The following SAXO1 variants were observed in gnomAD, a reference collection of about 807,000 sequenced individuals.
SAXO1 encodes the protein stabilizer of axonemal microtubules 1, also known as 4930500O09Rik.
SAXO1 carries 21 observed loss-of-function variants against 17.5 expected under a neutral mutation model. That is an observed-to-expected ratio of 1.20 (90% CI 0.85 to 1.72). The LOEUF (loss-of-function observed/expected upper bound fraction) is 1.72. SAXO1 is among the 40% of genes most tolerant of loss of function. The pLI, the probability that SAXO1 is intolerant of heterozygous loss-of-function variation, is 0.00. For synonymous variants in SAXO1, 274 were observed against 216.5 expected, an observed-to-expected ratio of 1.27 and a Z score of -2.33; for missense variants, 843 against 596.0, an observed-to-expected ratio of 1.41 and a Z score of -4.32.
At chr9:18,977,658 T>C (rs1411457979) in intron 1 of SAXO1, among the ~76,000 whole-genome samples, 1 of 152,164 alleles carries the variant, frequency 6.6e-6, no homozygotes, top group Non-Finnish European at 1.5e-5. Flanking sequence ...CCACTTGGAA[T>C]TGTATGAAAA....
intron 1 of SAXO1, among the ~76,000 whole-genome samples, chr9:19,044,994 G>C (rs1178230505): frequency 6.6e-6 from 1 of 151,920 alleles, no homozygotes; most frequent in East Asian, 1.9e-4. Context: ...AAAAAGGAGG[G>C]ATTGTTTGAA....
At chr9:19,004,620 A>G (rs1834415575) in intron 1 of SAXO1, among the ~76,000 whole-genome samples, 1 of 152,214 alleles carries the variant, frequency 6.6e-6, no homozygotes, top group African/African-American at 2.4e-5. Flanking sequence ...ACAAGGACGG[A>G]AAACCAAACA....
At chr9:19,046,111 A>G (rs569648847) in intron 1 of SAXO1, among the ~76,000 whole-genome samples, 11 of 151,306 alleles carry the variant, frequency 7.3e-5, no homozygotes, top group African/African-American at 2.4e-4. Context: ...AAAGGAGAAC[A>G]TAAGGAGAAC....
chr9:18,942,624 C>T (rs1473093223), intron 2 of SAXO1, among the ~76,000 whole-genome samples: 1 of 152,206 alleles, frequency 6.6e-6, no homozygotes, highest in Non-Finnish European at 1.5e-5. Flanking sequence ...GTCTGCGCCC[C>T]CATTGTTTCA....
chr9:19,027,005 C>T, intron 1 of SAXO1: 1 of 871,458 alleles, frequency 1.1e-6, no homozygotes, highest in Non-Finnish European at 2.0e-6. Context: ...AGATCAAGAT[C>T]ATGAAGAGTT....
chr9:19,007,075 G>C (rs995689776), intron 1 of SAXO1, among the ~76,000 whole-genome samples: 1 of 151,308 alleles, frequency 6.6e-6, no homozygotes, highest in Non-Finnish European at 1.5e-5. Flanking sequence ...TAGACCAGGT[G>C]CTGTGGCTCA....
chr9:19,015,193 C>A (rs1296876976), intron 1 of SAXO1, among the ~76,000 whole-genome samples: 1 of 152,018 alleles, frequency 6.6e-6, no homozygotes, highest in African/African-American at 2.4e-5. Flanking sequence ...AAATTGTATC[C>A]CTTCCTATGT....
At chr9:18,943,148 T>C (rs987432825) in intron 2 of SAXO1, among the ~76,000 whole-genome samples, 2 of 152,186 alleles carry the variant, frequency 1.3e-5, no homozygotes, top group South Asian at 2.1e-4. Flanking sequence ...TGAAAATGCT[T>C]AGTGGGATGG....
rs1020244562 is a variant in SAXO1 at position 19,028,375 on chromosome 9, CA to C, written c.38+4495del. Among the ~76,000 whole-genome samples, 3 of 151,528 alleles carry C rather than the reference CA, an allele frequency of 2.0e-5. No homozygotes were observed. The South Asian group carries it at 6.2e-4, about 32-fold the overall frequency. ...TGGGCAACAGAGCGAGACTCCGTCT[CA>C]AAAAAAATAAAAAATAAAACTCTTC... On this transcript the variant is annotated intron_variant, in intron 1 of 3. Transcript: ENST00000380534.
intron 1 of SAXO1, among the ~76,000 whole-genome samples, chr9:18,968,205 G>C (rs1164526116): frequency 6.6e-6 from 1 of 152,200 alleles, no homozygotes; most frequent in Non-Finnish European, 1.5e-5. Flanking sequence ...CATCTTGCCA[G>C]TCTTCCCTTT....
chr9:19,039,554 A>G (rs2131068325), intron 1 of SAXO1, among the ~76,000 whole-genome samples: 1 of 152,342 alleles, frequency 6.6e-6, no homozygotes, highest in Non-Finnish European at 1.5e-5. Flanking sequence ...ATGCTTAGAG[A>G]ACTGATTTCT....
At position 18,958,263 on chromosome 9, in the gene SAXO1, A is replaced by G. The variant is rs553408978; in HGVS notation, c.39-7326T>C. ...ACATGGTGAAACCTTGTCTCTACTA[A>G]AAATACAAAAATTAGCCAGGTGTGA... On this transcript the variant is annotated intron_variant, in intron 1 of 3. Transcript: ENST00000380534. Among the ~76,000 whole-genome samples the G allele has an allele frequency of 3.4e-4, 51 of 152,194 alleles. No individual in the cohort carries two copies. The South Asian group carries it at 0.01, about 30-fold the overall frequency.
rs745865771 is a variant in SAXO1, at chr9:18,950,979, A to G, written c.39-42T>C. On this transcript the variant is annotated intron_variant, in intron 1 of 3. Transcript: ENST00000380534. The stretch of plus-strand genomic sequence containing the variant: ...GTTAGGTTGATTACCTTCTTGGGAG[A>G]AAAAAACCCAATTTCCTAAGAGTAC... 14 of 1,568,960 alleles carry G rather than the reference A, an allele frequency of 8.9e-6. No homozygotes were observed. In the South Asian group the frequency reaches 1.6e-4, roughly 18 times the overall value.
In SAXO1 at chr9:19,049,334, G is replaced by A. The variant is rs996033018; in HGVS notation, c.-283C>T. 8.9e-5 allele frequency: 22 copies of A among 247,478 alleles called. No homozygotes were observed. The highest frequency in any genetic ancestry group is 3.8e-4 in the South Asian group (5 of 13,246). 15.3% of individuals were successfully genotyped at this position (247,478 alleles called of 1,614,324 possible). A position where few individuals can be genotyped will look rare whatever the true frequency, so the allele number is the denominator to read the frequency against. The stretch of plus-strand genomic sequence containing the variant: ...GAGCAGCGGCTTTTCAAGGCTCGTC[G>A]GGCACGGAGGGCGGAGCGAGGGAGC... On this transcript the variant is annotated 5_prime_UTR_variant, in exon 1 of 4. Coordinates refer to the SAXO1 transcript ENST00000542071. The surrounding 1 kb of genome is among the most constrained non-coding windows in gnomAD (Gnocchi z 5.4).
rs572919934 is a variant in SAXO1, at chr9:18,935,749, G to C, written c.421+5888C>G. On this transcript the variant is annotated intron_variant, in intron 3 of 3. Coordinates refer to ENST00000380534, the MANE Select transcript of SAXO1 (RefSeq NM_153707.4). The stretch of plus-strand genomic sequence containing the variant: ...TGCCACAACTAGCACTGCAGCCTCA[G>C]ACTAACTCAGAAGTTGTCTTCCCTG... Among the ~76,000 whole-genome samples the C allele has an allele frequency of 5.3e-5, 8 of 152,314 alleles. No homozygotes were observed. In the South Asian group the frequency reaches 1.0e-3, roughly 20 times the overall value.
chr9:19,033,336 C>G (rs1007840486), upstream of SAXO1: 1 of 173,514 alleles, frequency 5.8e-6, no homozygotes, highest in Non-Finnish European at 1.2e-5. Flanking sequence ...GCTCCCAGCA[C>G]CTCACTGGCA....
At chr9:19,032,240 G>C (rs896453480) in intron 1 of SAXO1, among the ~76,000 whole-genome samples, 1 of 152,268 alleles carries the variant, frequency 6.6e-6, no homozygotes, top group Non-Finnish European at 1.5e-5. Context: ...GAGATCATGT[G>C]AGTGACAGCA....
chr9:19,027,413 T>A, intron 1 of SAXO1: 1 of 757,242 alleles, frequency 1.3e-6, no homozygotes, highest in Non-Finnish European at 2.4e-6. Context: ...ACTGGGGGCT[T>A]GGACAAGCAG....
chr9:19,005,781 G>C (rs749596941), intron 1 of SAXO1, among the ~76,000 whole-genome samples: 1 of 152,162 alleles, frequency 6.6e-6, no homozygotes. Flanking sequence ...GGTCTTCATC[G>C]AAATTAGAAA....
Sources: allele counts gnomAD v4.1 joint callset (sites outside exome capture counted in the v4.1 genomes callset), GRCh38; gene constraint gnomAD v4.1.1; non-coding constraint Gnocchi (gnomAD v3.1); transcripts MANE v1.5; gene names NCBI Gene and HGNC (gene_info 2026-07-23, HGNC 2026-07-21).